The following ZC2HC1A variants were observed in gnomAD, a reference collection of about 807,000 sequenced individuals.
ZC2HC1A encodes the protein zinc finger C2HC domain-containing protein 1A.
ZC2HC1A carries 28 observed loss-of-function variants against 40.7 expected under a neutral mutation model. That is an observed-to-expected ratio of 0.69 (90% confidence interval 0.51 to 0.94). The LOEUF is 0.94. ZC2HC1A is among the 40% of genes least tolerant of loss of function. The probability of loss-of-function intolerance (pLI) is 0.00; values close to 1 mark genes in which losing one functional copy is unlikely to be tolerated. For synonymous variants in ZC2HC1A, 129 were observed against 129.2 expected, an observed-to-expected ratio of 1.00 and a Z score of 0.01; for missense variants, 389 against 386.3, an observed-to-expected ratio of 1.01 and a Z score of -0.06.
intron 6 of ZC2HC1A, 31 bp downstream of exon 6, chr8:78,697,537 T>G: frequency 6.5e-7 from 1 of 1,545,798 alleles, no homozygotes; most frequent in Admixed American, 1.8e-5. Flanking sequence ...ACTTGATTTG[T>G]TTTTGAAACC....
intron 7 of ZC2HC1A, among the ~76,000 whole-genome samples, chr8:78,710,499 T>C (rs937069580): frequency 1.3e-5 from 2 of 152,068 alleles, no homozygotes; most frequent in African/African-American, 4.8e-5. Flanking sequence ...TTGTATCACA[T>C]GTAGGATTTG....
chr8:78,678,598 TA>T lies in ZC2HC1A; in HGVS notation c.135del (p.Lys45AsnfsTer20). 1 of 1,612,176 alleles carries T rather than the reference TA, an allele frequency of 6.2e-7. No homozygotes were observed. The highest frequency in any genetic ancestry group is 8.5e-7 in the Non-Finnish European group (1 of 1,179,238). ...HGPICQKTAT[K>X]KRKTFDSSRQ... ...GACCCATTTGCCAGAAGACTGCAAC[TA>T]AAAAACGGAAGACTTTTGATTCAAG... On this transcript the variant is annotated frameshift_variant, in exon 3 of 9. Coordinates refer to ENST00000263849, the MANE Select transcript of ZC2HC1A (RefSeq NM_016010.3). LOFTEE classifies it high-confidence loss of function.
intron 8 of ZC2HC1A, among the ~76,000 whole-genome samples, chr8:78,715,635 T>C (rs1483564020): frequency 6.6e-6 from 1 of 152,284 alleles, no homozygotes; most frequent in East Asian, 1.9e-4. Context: ...TTGAGGGACT[T>C]AAGACTTCAG....
At chr8:78,692,389 G>T (rs539005987) in intron 5 of ZC2HC1A, among the ~76,000 whole-genome samples, 5 of 152,210 alleles carry the variant, frequency 3.3e-5, no homozygotes, top group African/African-American at 1.2e-4. Context: ...TACTAAATCT[G>T]CCACCTGTGG....
chr8:78,684,167 C>T (rs568847059), intron 3 of ZC2HC1A, among the ~76,000 whole-genome samples: 1 of 152,290 alleles, frequency 6.6e-6, no homozygotes, highest in Non-Finnish European at 1.5e-5. Flanking sequence ...ATAGCAGTAC[C>T]CCACTCCACC....
Position 78,686,575 on chromosome 8 carries a change from C to A in ZC2HC1A, c.319C>A (p.Leu107Ile). 2 of 1,535,050 alleles carry A rather than the reference C, an allele frequency of 1.3e-6. No homozygotes were observed. The highest frequency in any genetic ancestry group is 8.8e-7 in the Non-Finnish European group (1 of 1,140,514). ...LDQALKEGGK[L>I]PPPPPPSYDP... ...TCAGGCCCTCAAAGAGGGTGGCAAA[C>A]TTCCTCCTCCTCCTCCACCTTCTTA... Residue 107 changes from leucine to isoleucine, a missense_variant, in exon 4 of 9, where the codon CTT becomes ATT. Physicochemically the swap from Leu to Ile is conservative, Grantham distance 5. Coordinates refer to ENST00000263849, the MANE Select transcript of ZC2HC1A (RefSeq NM_016010.3).
At chr8:78,684,410 A>C (rs1809888279) in intron 3 of ZC2HC1A, among the ~76,000 whole-genome samples, 1 of 152,210 alleles carries the variant, frequency 6.6e-6, no homozygotes, top group Non-Finnish European at 1.5e-5. Context: ...CATGAGACTC[A>C]TTCACTGTCA....
intron 7 of ZC2HC1A, among the ~76,000 whole-genome samples, chr8:78,704,147 C>T (rs140141918): frequency 1.6e-3 from 246 of 151,932 alleles, no homozygotes; most frequent in African/African-American, 5.6e-3. Flanking sequence ...TTTGGGAGAC[C>T]GAGGCGAGCG....
intron 3 of ZC2HC1A, among the ~76,000 whole-genome samples, chr8:78,680,548 G>A (rs1034214708): frequency 6.6e-6 from 1 of 152,154 alleles, no homozygotes; most frequent in Non-Finnish European, 1.5e-5. Flanking sequence ...TGTAAGTGTA[G>A]TTCTTAATAT....
chr8:78,689,205 G>A lies in ZC2HC1A; in HGVS notation c.353-17G>A, dbSNP rs761376001. 2.3e-5 allele frequency: 33 copies of A among 1,450,528 alleles called. No individual in the cohort carries two copies. The highest frequency in any genetic ancestry group is 8.8e-5 in the African/African-American group (6 of 68,450). The allele number at this position is 1,450,528 out of a possible 1,614,324, so 89.9% of individuals were successfully genotyped here. On this transcript the variant is annotated splice_polypyrimidine_tract_variant and intron_variant, in intron 4 of 8. Coordinates refer to ENST00000263849, the MANE Select transcript of ZC2HC1A (RefSeq NM_016010.3). ...AGTACTATGCTATTAATCTGTTTCC[G>A]TTTTTATCTGTTATAGATTATATTC...
chr8:78,675,624 A>G (rs1318893826), intron 1 of ZC2HC1A, 163 bp from the exon 2 acceptor site: 16 of 609,136 alleles, frequency 2.6e-5, no homozygotes, highest in East Asian at 1.5e-4. Context: ...ATAACTAAGT[A>G]TTATGCTCCT....
At chr8:78,667,308 G>A (rs1259620385) in intron 1 of ZC2HC1A, among the ~76,000 whole-genome samples, 1 of 152,114 alleles carries the variant, frequency 6.6e-6, no homozygotes, top group Non-Finnish European at 1.5e-5. Flanking sequence ...GTATGCTATG[G>A]CCTAATGAAG....
At chr8:78,695,271 A>G (rs1379841266) in intron 5 of ZC2HC1A, among the ~76,000 whole-genome samples, 1 of 152,230 alleles carries the variant, frequency 6.6e-6, no homozygotes, top group Non-Finnish European at 1.5e-5. Context: ...AGTCTTATAT[A>G]GAGAGGGAGA....
intron 7 of ZC2HC1A, among the ~76,000 whole-genome samples, chr8:78,699,229 T>C (rs1810524193): frequency 6.6e-6 from 1 of 152,166 alleles, no homozygotes; most frequent in South Asian, 2.1e-4. Flanking sequence ...TCTACTGTTA[T>C]ATTTACATGG....
chr8:78,678,714 G>T, intron 3 of ZC2HC1A, 35 bp downstream of exon 3: 1 of 1,459,702 alleles, frequency 6.9e-7, no homozygotes, highest in South Asian at 1.3e-5. Flanking sequence ...TATGAACTTT[G>T]GTGTTATGTA....
chr8:78,694,433 A>G (rs1331661343), intron 5 of ZC2HC1A, among the ~76,000 whole-genome samples: 1 of 151,998 alleles, frequency 6.6e-6, no homozygotes, highest in Non-Finnish European at 1.5e-5. Context: ...TATTCCTTTT[A>G]GGTATCTATG....
intron 5 of ZC2HC1A, among the ~76,000 whole-genome samples, chr8:78,689,792 G>T (rs1389156814): frequency 6.6e-6 from 1 of 151,912 alleles, no homozygotes; most frequent in African/African-American, 2.4e-5. Flanking sequence ...TGTCTTTTGA[G>T]GGGCAAAAAT....
chr8:78,687,251 G>C (rs888592333), intron 4 of ZC2HC1A, among the ~76,000 whole-genome samples: 1 of 151,780 alleles, frequency 6.6e-6, no homozygotes, highest in Non-Finnish European at 1.5e-5. Flanking sequence ...TAATGTAACA[G>C]GGTAGCCACA....
chr8:78,675,999 C>T (rs1345331982), intron 2 of ZC2HC1A, 136 bp downstream of exon 2: 3 of 589,982 alleles, frequency 5.1e-6, no homozygotes, highest in East Asian at 3.1e-5. Flanking sequence ...GTTCAAGGGT[C>T]TTGATTTCAG....
Sources: gnomAD v4.1 joint callset for allele counts (sites outside exome capture counted in the v4.1 genomes callset) on GRCh38, gnomAD v4.1.1 for gene constraint, MANE v1.5 for transcripts, NCBI Gene and HGNC (gene_info 2026-07-23, HGNC 2026-07-21) for gene names.